CENPN: variants seen among roughly 807,000 people sequenced by gnomAD.
CENPN encodes centromere protein N.
CENPN carries 36 observed loss-of-function variants against 48.6 expected under a neutral mutation model. That is an observed-to-expected ratio of 0.74 (90% CI 0.57 to 0.98). The LOEUF (loss-of-function observed/expected upper bound fraction) is 0.98. Among genes scored for constraint, CENPN ranks in the 50% least tolerant of loss-of-function variants. The pLI is 0.00. For synonymous variants in CENPN, 166 were observed against 135.2 expected (o/e 1.23, Z -1.58); for missense variants, 439 against 399.2 (o/e 1.10, Z -0.85).
chr16:81,027,490 CAAA>C (rs1435847755), intron 9 of CENPN, among the ~76,000 whole-genome samples: 2 of 152,104 alleles, frequency 1.3e-5, no homozygotes, highest in African/African-American at 4.8e-5. Flanking sequence ...AAAAAAGAAA[CAAA>C]GAAAGAAATC....
intron 5 of CENPN, 138 bp downstream of exon 5, chr16:81,017,972 G>C: frequency 1.7e-6 from 1 of 572,154 alleles, no homozygotes; most frequent in Non-Finnish European, 3.1e-6. Flanking sequence ...CTCCATATCA[G>C]AAACACACTG....
intron 1 of CENPN, among the ~76,000 whole-genome samples, chr16:81,011,589 A>T (rs1006169909): frequency 6.6e-6 from 1 of 152,248 alleles, no homozygotes; most frequent in African/African-American, 2.4e-5. Context: ...TTTAAACTCT[A>T]AAACATTTAA....
chr16:81,011,669 C>T (rs1383806510), intron 1 of CENPN, among the ~76,000 whole-genome samples: 2 of 152,100 alleles, frequency 1.3e-5, no homozygotes, highest in Non-Finnish European at 2.9e-5. Flanking sequence ...AAAGTGTAAA[C>T]ATTTAGGTGT....
intron 6 of CENPN, among the ~76,000 whole-genome samples, chr16:81,020,942 A>G (rs904132500): frequency 1.3e-5 from 2 of 151,992 alleles, no homozygotes; most frequent in African/African-American, 4.8e-5. Context: ...ATACAAAAAA[A>G]TTAGCCAGGC....
chr16:81,010,718 C>T (rs1969702827), intron 1 of CENPN, among the ~76,000 whole-genome samples: 1 of 152,232 alleles, frequency 6.6e-6, no homozygotes, highest in African/African-American at 2.4e-5. Context: ...CTGCCTCTCT[C>T]GCAGTCTTGG....
At position 81,030,409 on chromosome 16, in the gene CENPN, G is replaced by T. The variant is rs1205884195; in HGVS notation, c.*1758G>T. ...TGATACCAGATATGTGGGGGAGGGG[G>T]TTTCCCCCACACATTAAGCAAGTGT... On this transcript the variant is annotated 3_prime_UTR_variant, in exon 11 of 11. Coordinates refer to ENST00000305850, the MANE Select transcript of CENPN (RefSeq NM_001100624.3). 1.0e-6 allele frequency: 1 copy of T among 983,974 alleles called. No individual in the cohort carries two copies. The highest frequency in any genetic ancestry group is 1.2e-6 in the Non-Finnish European group (1 of 828,854). The allele number at this position is 983,974 out of a possible 1,614,324, so 61.0% of individuals were successfully genotyped here. A position where few individuals can be genotyped will look rare whatever the true frequency, so the allele number is the denominator to read the frequency against.
At chr16:81,007,645 T>C (rs1057255694) in intron 1 of CENPN, among the ~76,000 whole-genome samples, 1 of 152,216 alleles carries the variant, frequency 6.6e-6, no homozygotes, top group Non-Finnish European at 1.5e-5. Context: ...TCCGTCGTTT[T>C]TTGTCCCTGT....
chr16:81,008,351 C>G (rs556525403), intron 1 of CENPN, among the ~76,000 whole-genome samples: 3 of 151,978 alleles, frequency 2.0e-5, no homozygotes, highest in Non-Finnish European at 4.4e-5. Flanking sequence ...TAACGGGTAG[C>G]CTCGTCTGTG....
rs772454239 is a variant in CENPN, at chr16:81,014,165, C to T, written c.201C>T (p.Ala67=). The T allele has an allele frequency of 6.2e-7, 1 of 1,613,032 alleles. No individual in the cohort carries two copies. Among genetic ancestry groups the T allele is most frequent in the Non-Finnish European group, 8.5e-7 (1 of 1,179,258 alleles). The part of the protein sequence containing the change: ...EEKRASISDA[A]LLDIIYMQFH... Reference sequence around the variant, plus strand: ...AGCGTGCAAGTATCAGTGATGCTGCCCTGTTAGACATCATTTGTAAGTGTC... The same window carrying T: ...AGCGTGCAAGTATCAGTGATGCTGCTCTGTTAGACATCATTTGTAAGTGTC... Residue 67 remains alanine (A), a synonymous_variant, in exon 3 of 11, where the codon GCC becomes GCT. Transcript: ENST00000305850.
chr16:81,026,526 T>C lies in CENPN; in HGVS notation c.698T>C (p.Met233Thr), dbSNP rs368792472. ...QERSLGLDIN[M>T]DSRIIHENIV... is the part of the protein sequence containing the mutation. The stretch of plus-strand genomic sequence containing the variant: ...TTTATTTGAAATCTTCCACCCATAG[T>C]GGATTCAAGGATCATTCATGAAAAC... Residue 233 changes from methionine (M) to threonine (T), a missense_variant and splice_region_variant, in exon 9 of 11, where the codon ATG becomes ACG. Met to Thr is a moderately conservative substitution (Grantham distance 81, BLOSUM62 -1). Coordinates refer to ENST00000305850, the MANE Select transcript of CENPN (RefSeq NM_001100624.3). 2.8e-5 allele frequency: 42 copies of C among 1,514,742 alleles called. No individual in the cohort carries two copies. The highest frequency in any genetic ancestry group is 3.2e-5 in the Non-Finnish European group (35 of 1,096,370). 93.8% of individuals were successfully genotyped at this position (1,514,742 alleles called of 1,614,324 possible).
rs778326030 is a variant in CENPN at position 81,026,625 on chromosome 16, T to G, written c.797T>G (p.Phe266Cys). 2 of 1,558,052 alleles carry G rather than the reference T, an allele frequency of 1.3e-6. No homozygotes were observed. The highest frequency in any genetic ancestry group is 2.3e-5 in the East Asian group (1 of 44,296). Residue 266 changes from phenylalanine to cysteine, a missense_variant, in exon 9 of 11, where the codon TTT (phenylalanine) becomes TGT (cysteine). Transcript: ENST00000305850. ...GATTATCCTCAACCACAACTAGAAT[T>G]TGCACAATATAAGGTAAGATGTCGT... ...FGDYPQPQLE[F>C]AQYKLETKFK...
At position 81,012,170 on chromosome 16, in the gene CENPN, C is replaced by G. The variant is rs1020370226; in HGVS notation, c.171+60C>G. 3 of 1,439,970 alleles carry G rather than the reference C, an allele frequency of 2.1e-6. No homozygotes were observed. In the African/African-American group the frequency reaches 4.2e-5, roughly 20 times the overall value. The allele number at this position is 1,439,970 out of a possible 1,614,324, so 89.2% of individuals were successfully genotyped here. A position where few individuals can be genotyped will look rare whatever the true frequency, so the allele number is the denominator to read the frequency against. On this transcript the variant is annotated intron_variant, in intron 2 of 10. Transcript: ENST00000305850. ...GTGCTACCCCCTTGGGTTTTTCTTT[C>G]TTCTATTCCTTACTCCAAAAGAGAT...
intron 3 of CENPN, 75 bp from the exon 4 acceptor site, chr16:81,017,251 T>C (rs1472650041): frequency 2.1e-6 from 2 of 964,312 alleles, no homozygotes; most frequent in Non-Finnish European, 3.3e-6. Flanking sequence ...AGTTTTAAAG[T>C]ATAGAAATAT....
At chr16:81,017,529 T>A in intron 4 of CENPN, 144 bp downstream of exon 4, 1 of 699,476 alleles carries the variant, frequency 1.4e-6, no homozygotes, top group Non-Finnish European at 2.5e-6. Context: ...AAAATAGCAG[T>A]ATGTTCCTCA....
chr16:81,027,208 CAGTT>C (rs1970541698), intron 9 of CENPN, among the ~76,000 whole-genome samples: 1 of 152,106 alleles, frequency 6.6e-6, no homozygotes, highest in Non-Finnish European at 1.5e-5. Context: ...AAAGATATCT[CAGTT>C]GGGCACAGTG....
At chr16:81,008,873 A>G (rs936330246) in intron 1 of CENPN, among the ~76,000 whole-genome samples, 2 of 152,244 alleles carry the variant, frequency 1.3e-5, no homozygotes, top group African/African-American at 4.8e-5. Context: ...AGAAACAAGA[A>G]AAGTTAAAAA....
chr16:81,015,961 C>T (rs1969913350), intron 3 of CENPN, among the ~76,000 whole-genome samples: 1 of 150,732 alleles, frequency 6.6e-6, no homozygotes, highest in Admixed American at 6.6e-5. Flanking sequence ...GCCAAGATCA[C>T]ACCACTGCAC....
chr16:81,008,635 G>A (rs1420290747), intron 1 of CENPN, among the ~76,000 whole-genome samples: 2 of 152,060 alleles, frequency 1.3e-5, no homozygotes, highest in African/African-American at 4.8e-5. Flanking sequence ...GCGCGCTCCC[G>A]GCCCCTCGCC....
At chr16:81,014,314 G>A (rs959626570) in intron 3 of CENPN, 133 bp downstream of exon 3, 13 of 683,946 alleles carry the variant, frequency 1.9e-5, no homozygotes, top group Non-Finnish European at 3.1e-5. Context: ...AGCTCACCGC[G>A]ACCTCTGCCT....
Sources: gnomAD v4.1 joint callset for allele counts (sites outside exome capture counted in the v4.1 genomes callset) on GRCh38, gnomAD v4.1.1 for gene constraint, MANE v1.5 for transcripts, NCBI Gene and HGNC (gene_info 2026-07-23, HGNC 2026-07-21) for gene names.